The following CPZ variants were observed in gnomAD, a reference collection of about 807,000 sequenced individuals.
CPZ encodes carboxypeptidase Z.
In CPZ, 103 loss-of-function variants were observed where a neutral mutation model predicts 61.8. The observed-to-expected ratio is 1.67, with a 90% CI of 1.42 to 1.96. CPZ has a LOEUF of 1.96. CPZ is among the 30% of genes most tolerant of loss of function. The probability of loss-of-function intolerance (pLI) is 0.00; values close to 1 mark genes in which losing one functional copy is unlikely to be tolerated. For missense variants in CPZ, 1,461 were observed against 914.9 expected (o/e 1.60, Z -7.70); for synonymous variants, 551 against 373.7 (o/e 1.47, Z -5.47).
chr4:8,605,319 T>TCC (rs1560293797), intron 4 of CPZ, among the ~76,000 whole-genome samples: 2 of 23,906 alleles, frequency 8.4e-5, no homozygotes, highest in Admixed American at 5.0e-4. Flanking sequence ...TCCATTCATT[T>TCC]ATTCATCCAT....
chr4:8,595,552 C>T (rs1714118121), intron 1 of CPZ, among the ~76,000 whole-genome samples: 1 of 152,220 alleles, frequency 6.6e-6, no homozygotes, highest in Non-Finnish European at 1.5e-5. Context: ...CTGGCAAAGG[C>T]CCAGCCACAT....
intron 7 of CPZ, among the ~76,000 whole-genome samples, chr4:8,608,345 G>C (rs941881729): frequency 1.2e-4 from 19 of 152,194 alleles, no homozygotes; most frequent in Non-Finnish European, 2.2e-4. Context: ...GGAAGGAGCA[G>C]GGAGAGAGGG....
In CPZ at chr4:8,601,222, A is replaced by G. The variant is rs1382759528; in HGVS notation, c.221A>G (p.Glu74Gly). ...CAGCACCGGTCGTGGGAGGTGGTGG[A>G]GGCCAGCTCCGAGTACATCCTGCTG... ...LLQHRSWEVV[E>G]ASSEYILLSV... The change falls in exon 3 of 11, where the codon GAG (glutamate) becomes GGG (glycine). Residue 74 changes from glutamate to glycine, a missense_variant. Physicochemically the swap from Glu to Gly is moderately conservative, Grantham distance 98 (BLOSUM62 -2). Coordinates refer to ENST00000360986, the MANE Select transcript of CPZ (RefSeq NM_001014447.3). The G allele has an allele frequency of 6.2e-7, 1 of 1,613,464 alleles. No homozygotes were observed. The highest frequency in any genetic ancestry group is 1.1e-5 in the South Asian group (1 of 91,072).
chr4:8,604,743 C>A (rs1392098841), intron 4 of CPZ, among the ~76,000 whole-genome samples: 1 of 152,198 alleles, frequency 6.6e-6, no homozygotes, highest in African/African-American at 2.4e-5. Flanking sequence ...TCGGCCTCCC[C>A]ACTCAAACAG....
intron 8 of CPZ, among the ~76,000 whole-genome samples, chr4:8,613,442 G>C (rs530883551): frequency 6.6e-6 from 1 of 152,146 alleles, no homozygotes; most frequent in African/African-American, 2.4e-5. Context: ...TGTCCCTCTT[G>C]CCCCTGATAC....
At chr4:8,604,220 C>G (rs773847191) in intron 4 of CPZ, 32 bp downstream of exon 4, 3 of 1,496,150 alleles carry the variant, frequency 2.0e-6, no homozygotes, top group Non-Finnish European at 2.7e-6. Flanking sequence ...TGGCCTGGCC[C>G]CGTTTCGGGA....
chr4:8,605,074 G>T (rs1413872072), intron 4 of CPZ, among the ~76,000 whole-genome samples: 3 of 152,228 alleles, frequency 2.0e-5, no homozygotes, highest in South Asian at 2.1e-4. Flanking sequence ...CTGTGCAGAA[G>T]GCCAAGGGAG....
intron 7 of CPZ, among the ~76,000 whole-genome samples, chr4:8,610,690 A>C (rs75573750): frequency 0.021 from 3,180 of 152,286 alleles, 41 homozygotes; most frequent in African/African-American, 0.027. Flanking sequence ...GCTTCCTGCT[A>C]TGAGGCAGGG....
rs1475325023 is a variant in CPZ, at chr4:8,618,439, G to A, written c.1514G>A (p.Gly505Asp). 3 of 1,613,964 alleles carry A rather than the reference G, an allele frequency of 1.9e-6. No individual in the cohort carries two copies. The highest frequency in any genetic ancestry group is 1.3e-5 in the African/African-American group (1 of 74,938). Residue 505 changes from glycine (G) to aspartate (D), a missense_variant, in exon 10 of 11, where the codon GGC (glycine) becomes GAC (aspartate). By Grantham distance (94) the Gly-to-Asp change is moderately conservative. Coordinates refer to ENST00000360986, the MANE Select transcript of CPZ (RefSeq NM_001014447.3). ...CCTTGGTCTCTTCAGGTGCACCGGGGCATCAAAGGTGTGGTGACAGATAAA... is the reference window on the plus strand; with the variant it reads ...CCTTGGTCTCTTCAGGTGCACCGGGACATCAAAGGTGTGGTGACAGATAAA... ...LLNFVETVHR[G>D]IKGVVTDKFG...
At chr4:8,594,360 G>A (rs1167979748) in intron 1 of CPZ, among the ~76,000 whole-genome samples, 1 of 152,210 alleles carries the variant, frequency 6.6e-6, no homozygotes, top group Admixed American at 6.5e-5. Context: ...CAAGCCTGGT[G>A]CTCTCTCCTC....
chr4:8,606,973 G>A, intron 6 of CPZ, 75 bp downstream of exon 6: 1 of 1,485,878 alleles, frequency 6.7e-7, no homozygotes, highest in Non-Finnish European at 9.0e-7. Context: ...GCTCTCTGGA[G>A]TTGTCCTTCC....
chr4:8,611,369 A>T lies in CPZ; in HGVS notation c.1228-658A>T, dbSNP rs368466449. 9 of 435,642 alleles carry T rather than the reference A, an allele frequency of 2.1e-5. No homozygotes were observed. In the East Asian group the frequency reaches 2.2e-4, roughly 11 times the overall value. 27.0% of individuals were successfully genotyped at this position (435,642 alleles called of 1,614,324 possible). On this transcript the variant is annotated intron_variant, in intron 7 of 10. Transcript: ENST00000360986. ...CAATGCGGGGAAGCTCTGGGCTGGG[A>T]AGGGAAGCCTGTGGGGAGGGACCCA... is the stretch of plus-strand genomic sequence containing the variant.
chr4:8,609,072 C>CCCATTCACTCCCT (rs1553877587), intron 7 of CPZ, among the ~76,000 whole-genome samples: 37 of 112,110 alleles, frequency 3.3e-4, no homozygotes, highest in East Asian at 7.9e-4. Flanking sequence ...CCCTCACTCA[C>CCCATTCACTCCCT]CACTCATACA....
chr4:8,596,217 A>G (rs1714167848), intron 1 of CPZ, among the ~76,000 whole-genome samples: 1 of 151,978 alleles, frequency 6.6e-6, no homozygotes, highest in Non-Finnish European at 1.5e-5. Context: ...ATGCCCGGCT[A>G]ATTTTTGTAT....
intron 7 of CPZ, among the ~76,000 whole-genome samples, chr4:8,610,470 T>C: frequency 6.6e-6 from 1 of 152,070 alleles, no homozygotes; most frequent in South Asian, 2.1e-4. Context: ...GGAGGCCTTG[T>C]GGGTAGAAAG....
intron 7 of CPZ, among the ~76,000 whole-genome samples, chr4:8,608,862 C>G (rs1715281651): frequency 6.6e-6 from 1 of 152,162 alleles, no homozygotes; most frequent in African/African-American, 2.4e-5. Flanking sequence ...GTGCAGGGGC[C>G]CATGCCGAGT....
At chr4:8,605,249 C>G (rs1393658809) in intron 4 of CPZ, among the ~76,000 whole-genome samples, 1 of 151,828 alleles carries the variant, frequency 6.6e-6, no homozygotes, top group African/African-American at 2.4e-5. Context: ...GGAGGAGTGA[C>G]TTGCCTGCAG....
In CPZ at chr4:8,611,005, C is replaced by G. The variant is rs530813456; in HGVS notation, c.1228-1022C>G. Among the ~76,000 whole-genome samples the G allele has an allele frequency of 2.3e-4, 20 of 88,590 alleles. No homozygotes were observed. The East Asian group carries it at 9.3e-3, about 41-fold the overall frequency. The allele number at this position is 88,590 out of a possible 152,430, so 58.1% of individuals were successfully genotyped here. A position where few individuals can be genotyped will look rare whatever the true frequency, so the allele number is the denominator to read the frequency against. On this transcript the variant is annotated intron_variant, in intron 7 of 10. Transcript: ENST00000360986. ...TCAGTCACTCACTCTTTCACTCATT[C>G]ACTCACTCATTCACTCATTCCCTCA...
intron 7 of CPZ, among the ~76,000 whole-genome samples, chr4:8,607,745 C>T (rs1715164357): frequency 6.6e-6 from 1 of 152,148 alleles, no homozygotes; most frequent in African/African-American, 2.4e-5. Context: ...CCGCGCCTGG[C>T]GGGGTCCCCA....
Sources: gnomAD v4.1 joint callset for allele counts (sites outside exome capture counted in the v4.1 genomes callset) on GRCh38, gnomAD v4.1.1 for gene constraint, MANE v1.5 for transcripts, NCBI Gene and HGNC (gene_info 2026-07-23, HGNC 2026-07-21) for gene names.